Variants in CEP63 observed in about 807,000 individuals in gnomAD.
The protein encoded by CEP63 is centrosomal protein of 63 kDa.
CEP63 carries 84 observed loss-of-function variants against 89.1 expected under a neutral mutation model. That is an observed-to-expected ratio of 0.94 (90% CI 0.79 to 1.13). The LOEUF (loss-of-function observed/expected upper bound fraction) is 1.13. Ranked by LOEUF, CEP63 falls within the 50% of genes most tolerant of loss-of-function variation. The pLI is 0.00. For missense variants in CEP63, 838 were observed against 813.3 expected (o/e 1.03, Z -0.37); for synonymous variants, 267 against 272.5 (o/e 0.98, Z 0.20).
At chr3:134,527,518 C>T (rs1948912180) in intron 3 of CEP63, among the ~76,000 whole-genome samples, 1 of 152,152 alleles carries the variant, frequency 6.6e-6, no homozygotes, top group African/African-American at 2.4e-5. Context: ...CCCGCCACAG[C>T]AGTGTCAAGG....
chr3:134,527,010 A>G (rs1167810513), intron 3 of CEP63, among the ~76,000 whole-genome samples: 1 of 152,114 alleles, frequency 6.6e-6, no homozygotes, highest in Non-Finnish European at 1.5e-5. Context: ...CCAGACCACT[A>G]GTCACTACAC....
chr3:134,776,635 C>T, the CEP63 span, among the ~76,000 whole-genome samples: 131 of 152,232 alleles, frequency 8.6e-4, no homozygotes, highest in Middle Eastern at 3.4e-3. Flanking sequence ...CAGGAGTACA[C>T]GCTCTTCTTG....
the CEP63 span, among the ~76,000 whole-genome samples, chr3:134,712,896 A>G: frequency 0.25 from 38,431 of 152,062 alleles, 5,119 homozygotes; most frequent in African/African-American, 0.34. Context: ...GCAAGGAGAG[A>G]GCTGGGACTT....
intron 3 of CEP63, among the ~76,000 whole-genome samples, chr3:134,527,947 G>T (rs1047082568): frequency 5.3e-5 from 8 of 152,154 alleles, no homozygotes; most frequent in Non-Finnish European, 1.0e-4. Flanking sequence ...GCTATCCCTG[G>T]CCATGCCCCA....
the CEP63 span, among the ~76,000 whole-genome samples, chr3:134,684,204 A>C: frequency 1.3e-5 from 2 of 152,196 alleles, no homozygotes; most frequent in African/African-American, 4.8e-5. Flanking sequence ...AGGATAAAGA[A>C]CTTTTCCCTG....
At chr3:134,743,479 C>T in the CEP63 span, among the ~76,000 whole-genome samples, 1 of 152,076 alleles carries the variant, frequency 6.6e-6, no homozygotes, top group Admixed American at 6.6e-5. Context: ...TCAGGCTGGG[C>T]CGTGAGAACA....
chr3:134,760,686 C>G, the CEP63 span, among the ~76,000 whole-genome samples: 1 of 152,322 alleles, frequency 6.6e-6, no homozygotes, highest in East Asian at 1.9e-4. Flanking sequence ...GGTTAAGAAA[C>G]TTGGTTCAGG....
chr3:134,511,122 A>G (rs569190527), intron 3 of CEP63: 2 of 168,604 alleles, frequency 1.2e-5, no homozygotes, highest in African/African-American at 2.4e-5. Flanking sequence ...GGCACCAGGC[A>G]CACAGAATGT....
chr3:134,555,599 A>G (rs1392960674), intron 12 of CEP63, among the ~76,000 whole-genome samples: 1 of 152,074 alleles, frequency 6.6e-6, no homozygotes, highest in East Asian at 1.9e-4. Flanking sequence ...GAGAACTACA[A>G]ACCACTGCTC....
At chr3:134,719,827 A>G in the CEP63 span, among the ~76,000 whole-genome samples, 1 of 152,204 alleles carries the variant, frequency 6.6e-6, no homozygotes, top group Non-Finnish European at 1.5e-5. Context: ...CTGGCAAATA[A>G]TATTTCATTG....
At chr3:134,560,751 G>A (rs1408814440) in intron 14 of CEP63, among the ~76,000 whole-genome samples, 3 of 152,148 alleles carry the variant, frequency 2.0e-5, no homozygotes, top group African/African-American at 7.2e-5. Context: ...GTGTGTGTGT[G>A]TATTTGTTGT....
chr3:134,644,653 G>T, the CEP63 span, among the ~76,000 whole-genome samples: 2 of 152,366 alleles, frequency 1.3e-5, no homozygotes, highest in African/African-American at 4.8e-5. Flanking sequence ...TGCCTCTGGG[G>T]CATTGGCCTG....
At chr3:134,499,436 C>G (rs750320299) in intron 2 of CEP63, among the ~76,000 whole-genome samples, 1 of 151,778 alleles carries the variant, frequency 6.6e-6, no homozygotes, top group Admixed American at 6.6e-5. Flanking sequence ...AATGGTTTAT[C>G]GATTTTGTCT....
chr3:134,608,654 C>T, the CEP63 span: 2 of 1,614,022 alleles, frequency 1.2e-6, no homozygotes, highest in South Asian at 2.2e-5. Context: ...CTCACCTGTT[C>T]TGATCATGGA....
chr3:134,779,487 G>A, the CEP63 span, among the ~76,000 whole-genome samples: 10 of 152,290 alleles, frequency 6.6e-5, no homozygotes, highest in South Asian at 4.1e-4. Context: ...ATTCCCAGCC[G>A]TGAAATTGCT....
At chr3:134,652,483 G>T in the CEP63 span, among the ~76,000 whole-genome samples, 1 of 149,314 alleles carries the variant, frequency 6.7e-6, no homozygotes. Context: ...CACCCACTGG[G>T]CATCTGATGG....
intron 2 of CEP63, among the ~76,000 whole-genome samples, chr3:134,499,534 T>A (rs1285476332): frequency 6.6e-6 from 1 of 152,188 alleles, no homozygotes; most frequent in East Asian, 1.9e-4. Context: ...TCTTTGTTAT[T>A]TTTTTCCTTC....
chr3:134,613,400 A>C, the CEP63 span, among the ~76,000 whole-genome samples: 1 of 152,220 alleles, frequency 6.6e-6, no homozygotes. Context: ...AGCCTGCCCC[A>C]GCCCTGGAAA....
Position 134,547,387 on chromosome 3 carries a change from G to T in CEP63, c.982G>T (p.Asp328Tyr), listed in dbSNP as rs907630225. 1.2e-6 allele frequency: 2 copies of T among 1,613,462 alleles called. No individual in the cohort carries two copies. The highest frequency in any genetic ancestry group is 1.3e-5 in the African/African-American group (1 of 74,878). ...GAAGTACACCTCTCAAGGGCAGGGGGACTTAGACAGTGTGCTCTCCCAGTT... is the reference window on the plus strand; with the variant it reads ...GAAGTACACCTCTCAAGGGCAGGGGTACTTAGACAGTGTGCTCTCCCAGTT... Reference protein sequence around the residue: ...EKKYTSQGQGDLDSVLSQLNF... With the variant: ...EKKYTSQGQGYLDSVLSQLNF... Residue 328 changes from aspartate (D) to tyrosine (Y), a missense_variant, in exon 9 of 15, where the codon GAC becomes TAC. Transcript: ENST00000675561.
Sources: gnomAD v4.1 joint callset for allele counts (sites outside exome capture counted in the v4.1 genomes callset) on GRCh38, gnomAD v4.1.1 for gene constraint, MANE v1.5 for transcripts, NCBI Gene and HGNC (gene_info 2026-07-23, HGNC 2026-07-21) for gene names.